LYPLAL1: variants seen among roughly 807,000 people sequenced by gnomAD.
The protein encoded by LYPLAL1 is lysophospholipase like 1.
In LYPLAL1, 23 loss-of-function variants were observed where a neutral mutation model predicts 19.7. The observed-to-expected ratio is 1.17, with a 90% CI of 0.84 to 1.65. The LOEUF (loss-of-function observed/expected upper bound fraction) is 1.65, where lower values mean the gene tolerates loss of function less well. LYPLAL1 is among the 40% of genes most tolerant of loss of function. The probability of loss-of-function intolerance (pLI) is 0.00; values close to 1 mark genes in which losing one functional copy is unlikely to be tolerated. For synonymous variants in LYPLAL1, 119 were observed against 96.3 expected (o/e 1.24, Z -1.38); for missense variants, 355 against 279.4 (o/e 1.27, Z -1.93).
the LYPLAL1 span, chr1:219,222,247 A>G: frequency 1.3e-5 from 2 of 152,118 alleles, no homozygotes; most frequent in East Asian, 1.9e-4. Flanking sequence ...CCACATTTCA[A>G]TTTTGAGTTA....
At chr1:219,355,330 T>C in the LYPLAL1 span, among the ~76,000 whole-genome samples, 1 of 149,512 alleles carries the variant, frequency 6.7e-6, no homozygotes, top group African/African-American at 2.5e-5. Flanking sequence ...GATAAGCAAA[T>C]AAAGGAGATA....
At chr1:219,228,562 C>T in the LYPLAL1 span, among the ~76,000 whole-genome samples, 4 of 151,980 alleles carry the variant, frequency 2.6e-5, no homozygotes, top group African/African-American at 9.7e-5. Context: ...CGTGTATTTC[C>T]TCAAGCTTCC....
intron 1 of LYPLAL1, chr1:219,175,134 G>A (rs758488107): frequency 1.6e-4 from 156 of 977,566 alleles, no homozygotes; most frequent in Non-Finnish European, 1.8e-4. Context: ...GGCCAGACAG[G>A]TTCAGCAGCT....
intron 2 of LYPLAL1, among the ~76,000 whole-genome samples, chr1:219,192,217 T>G (rs1343314889): frequency 2.6e-5 from 4 of 151,734 alleles, no homozygotes; most frequent in Non-Finnish European, 4.4e-5. Context: ...CATGTTCAGG[T>G]CTCACCTGTT....
chr1:219,232,585 A>G, the LYPLAL1 span, among the ~76,000 whole-genome samples: 2 of 152,216 alleles, frequency 1.3e-5, no homozygotes, highest in African/African-American at 4.8e-5. Context: ...TACTATCAAC[A>G]AGTGAAATGC....
At chr1:219,327,021 C>T in the LYPLAL1 span, among the ~76,000 whole-genome samples, 1 of 152,284 alleles carries the variant, frequency 6.6e-6, no homozygotes, top group African/African-American at 2.4e-5. Context: ...ATCGCTTGAA[C>T]CCATTAGGCG....
At chr1:219,295,021 C>G in the LYPLAL1 span, among the ~76,000 whole-genome samples, 1 of 152,184 alleles carries the variant, frequency 6.6e-6, no homozygotes, top group South Asian at 2.1e-4. Context: ...TATGAGCAGT[C>G]AACACTCTTT....
chr1:219,316,485 A>T, the LYPLAL1 span, among the ~76,000 whole-genome samples: 1 of 152,066 alleles, frequency 6.6e-6, no homozygotes, highest in South Asian at 2.1e-4. Flanking sequence ...TTTCCTTTTA[A>T]ATTTTTTGAA....
At chr1:219,337,972 G>T in the LYPLAL1 span, among the ~76,000 whole-genome samples, 1 of 152,144 alleles carries the variant, frequency 6.6e-6, no homozygotes, top group South Asian at 2.1e-4. Flanking sequence ...CATGTTACTT[G>T]CTGTGGGCAT....
the LYPLAL1 span, among the ~76,000 whole-genome samples, chr1:219,424,905 A>G: frequency 1.3e-5 from 2 of 152,220 alleles, no homozygotes; most frequent in East Asian, 1.9e-4. Flanking sequence ...GCTAACATGT[A>G]TTGAGGACTT....
the LYPLAL1 span, among the ~76,000 whole-genome samples, chr1:219,438,402 T>C: frequency 6.6e-6 from 1 of 152,222 alleles, no homozygotes; most frequent in Non-Finnish European, 1.5e-5. Flanking sequence ...AATTTGTCCA[T>C]TAAAGAGGTC....
chr1:219,342,429 C>T, the LYPLAL1 span, among the ~76,000 whole-genome samples: 2 of 152,054 alleles, frequency 1.3e-5, no homozygotes, highest in Non-Finnish European at 2.9e-5. Context: ...GCCCTTTTTG[C>T]ATCACCCTAT....
chr1:219,269,415 T>G, the LYPLAL1 span, among the ~76,000 whole-genome samples: 1 of 151,850 alleles, frequency 6.6e-6, no homozygotes, highest in Non-Finnish European at 1.5e-5. Flanking sequence ...GCTCACAGAC[T>G]TCACAGGTAG....
chr1:219,175,105 C>G, intron 1 of LYPLAL1: 3 of 985,266 alleles, frequency 3.0e-6, no homozygotes, highest in Non-Finnish European at 3.6e-6. Context: ...GGGAGGTATT[C>G]TCTTTATTTT....
At chr1:219,176,710 A>G (rs1023818976) in intron 1 of LYPLAL1, among the ~76,000 whole-genome samples, 1 of 152,162 alleles carries the variant, frequency 6.6e-6, no homozygotes, top group African/African-American at 2.4e-5. Flanking sequence ...TCTCCTAGAG[A>G]TACCCATTTG....
At chr1:219,409,496 A>G in the LYPLAL1 span, 1 of 136,124 alleles carries the variant, frequency 7.3e-6, no homozygotes, top group African/African-American at 2.6e-5. Context: ...CAACCTGAAA[A>G]GAGAGAAGTA....
At chr1:219,225,224 T>G in the LYPLAL1 span, 1 of 152,112 alleles carries the variant, frequency 6.6e-6, no homozygotes, top group Non-Finnish European at 1.5e-5. Flanking sequence ...AGGCATAATA[T>G]GTTCAAAACA....
At chr1:219,249,811 G>A in the LYPLAL1 span, among the ~76,000 whole-genome samples, 13 of 151,898 alleles carry the variant, frequency 8.6e-5, no homozygotes, top group Admixed American at 4.6e-4. Context: ...ACTTATTTGC[G>A]TGTTGATAGA....
intron 3 of LYPLAL1, among the ~76,000 whole-genome samples, chr1:219,196,214 A>G (rs996191557): frequency 3.3e-5 from 5 of 152,088 alleles, no homozygotes; most frequent in African/African-American, 1.2e-4. Context: ...GCTGGGTCAG[A>G]TGGTATTTCC....
Sources: allele counts gnomAD v4.1 joint callset (sites outside exome capture counted in the v4.1 genomes callset), GRCh38; gene constraint gnomAD v4.1.1; transcripts MANE v1.5; gene names NCBI Gene and HGNC (gene_info 2026-07-23, HGNC 2026-07-21).